AKR1E2: variants seen among roughly 807,000 people sequenced by gnomAD.
The protein encoded by AKR1E2 is 1,5-anhydro-D-fructose reductase.
Under a neutral mutation model 41.9 loss-of-function variants are expected in AKR1E2, and 43 were observed. The observed-to-expected ratio is 1.03, with a 90% CI of 0.80 to 1.32. The LOEUF is 1.32. Ranked by LOEUF, AKR1E2 falls within the 40% of genes most tolerant of loss-of-function variation. AKR1E2 has a pLI of 0.00. For missense variants in AKR1E2, 423 were observed against 396.5 expected (o/e 1.07, Z -0.57); for synonymous variants, 121 against 138.9 (o/e 0.87, Z 0.91).
At chr10:4,828,387 C>T (rs186827116) in intron 1 of AKR1E2, among the ~76,000 whole-genome samples, 1 of 152,242 alleles carries the variant, frequency 6.6e-6, no homozygotes, top group Admixed American at 6.5e-5. Flanking sequence ...CTTGATCCAT[C>T]TGTGTGCCTG....
At chr10:4,849,551 A>G (rs1834482781), downstream of AKR1E2, among the ~76,000 whole-genome samples, 1 of 152,166 alleles carries the variant, frequency 6.6e-6, no homozygotes, top group South Asian at 2.1e-4. Flanking sequence ...CTTATACTTA[A>G]ACCATTGTTC....
intron 1 of AKR1E2, among the ~76,000 whole-genome samples, chr10:4,830,280 T>G (rs1832868606): frequency 6.6e-6 from 1 of 152,148 alleles, no homozygotes; most frequent in South Asian, 2.1e-4. Flanking sequence ...ATGGATACCT[T>G]CGTGTGAGTC....
chr10:4,869,149 C>T, the AKR1E2 span, among the ~76,000 whole-genome samples: 1 of 152,068 alleles, frequency 6.6e-6, no homozygotes, highest in East Asian at 1.9e-4. Flanking sequence ...AAGCAATCCC[C>T]AGTGAAATTG....
upstream of AKR1E2, among the ~76,000 whole-genome samples, chr10:4,825,394 T>A (rs564097987): frequency 2.0e-5 from 3 of 151,744 alleles, no homozygotes; most frequent in Admixed American, 2.0e-4. Context: ...GTCGGAAGGC[T>A]CCCTTGACCC....
intron 2 of AKR1E2, among the ~76,000 whole-genome samples, chr10:4,831,192 T>A (rs1832942234): frequency 6.6e-6 from 1 of 152,166 alleles, no homozygotes; most frequent in Admixed American, 6.5e-5. Flanking sequence ...GGGGTGATTG[T>A]TAAATGCAGA....
At chr10:4,845,406 A>G (rs1834256203) in intron 8 of AKR1E2, among the ~76,000 whole-genome samples, 1 of 151,472 alleles carries the variant, frequency 6.6e-6, no homozygotes, top group African/African-American at 2.4e-5. Context: ...GTGCCGCCAA[A>G]GTGGGAGCCC....
the AKR1E2 span, among the ~76,000 whole-genome samples, chr10:4,857,368 A>T: frequency 1.3e-3 from 203 of 151,418 alleles, no homozygotes; most frequent in Admixed American, 5.1e-3. Context: ...ATGAGTTCTC[A>T]TAAGATCTAG....
intron 4 of AKR1E2, among the ~76,000 whole-genome samples, chr10:4,836,816 C>T (rs1216047668): frequency 6.6e-6 from 1 of 152,192 alleles, no homozygotes; most frequent in African/African-American, 2.4e-5. Flanking sequence ...GAGGCAGTAA[C>T]TAACTGCTGC....
At chr10:4,853,479 G>A in the AKR1E2 span, among the ~76,000 whole-genome samples, 15,503 of 150,778 alleles carry the variant, frequency 0.1, 903 homozygotes, top group Middle Eastern at 0.15. Context: ...TAAAATATCT[G>A]AAGAGATTGA....
chr10:4,854,094 T>G, the AKR1E2 span, among the ~76,000 whole-genome samples: 3 of 140,150 alleles, frequency 2.1e-5, no homozygotes, highest in African/African-American at 7.8e-5. Flanking sequence ...TGTTTTTTTT[T>G]TTTTTTTTTT....
chr10:4,861,465 G>C, the AKR1E2 span, among the ~76,000 whole-genome samples: 1 of 151,928 alleles, frequency 6.6e-6, no homozygotes, highest in Admixed American at 6.6e-5. Context: ...CTGCCTCCTG[G>C]GTTAAAGCGA....
intron 6 of AKR1E2, among the ~76,000 whole-genome samples, chr10:4,841,058 A>G (rs1239120013): frequency 6.6e-6 from 1 of 152,174 alleles, no homozygotes; most frequent in African/African-American, 2.4e-5. Flanking sequence ...GAGAGTCTCT[A>G]GAAGGCTGGG....
In AKR1E2 at chr10:4,848,032, T is replaced by TC. The variant is rs1255888728; in HGVS notation, c.*503dup. The stretch of plus-strand genomic sequence containing the variant: ...GATAAGTCTGGGACACTGTTTCAGT[T>TC]CAATAAAGAGGCTTTTTTCTTCCTT... On this transcript the variant is annotated 3_prime_UTR_variant, in exon 10 of 10. Transcript: ENST00000298375. 9 of 152,924 alleles carry TC rather than the reference T, an allele frequency of 5.9e-5. No individual in the cohort carries two copies. The Admixed American group carries it at 5.9e-4, about 10-fold the overall frequency. The allele number at this position is 152,924 out of a possible 1,614,324, so 9.5% of individuals were successfully genotyped here. A position where few individuals can be genotyped will look rare whatever the true frequency, so the allele number is the denominator to read the frequency against.
chr10:4,830,057 A>T (rs1348221452), intron 1 of AKR1E2, among the ~76,000 whole-genome samples: 2 of 152,196 alleles, frequency 1.3e-5, no homozygotes, highest in Non-Finnish European at 2.9e-5. Flanking sequence ...GGTTACCGTG[A>T]AGCTCCAGTG....
chr10:4,826,244 G>T lies in AKR1E2; in HGVS notation c.-81G>T. On this transcript the variant is annotated 5_prime_UTR_variant, in exon 1 of 10. Transcript: ENST00000298375. ...TTCCAGCCAGTCGCAACGGCGGGTC[G>T]CCAGCGCCGCAGTAGCTCGCGCGGT... 8.6e-7 allele frequency: 1 copy of T among 1,156,144 alleles called. No homozygotes were observed. The highest frequency in any genetic ancestry group is 1.1e-6 in the Non-Finnish European group (1 of 918,158). The allele number at this position is 1,156,144 out of a possible 1,614,324, so 71.6% of individuals were successfully genotyped here.
intron 8 of AKR1E2, among the ~76,000 whole-genome samples, chr10:4,843,589 G>T (rs1338770662): frequency 6.6e-6 from 1 of 152,214 alleles, no homozygotes; most frequent in African/African-American, 2.4e-5. Flanking sequence ...CTGAGGGCTC[G>T]GTTTGGTTGT....
At chr10:4,826,034 A>G, upstream of AKR1E2, 1 of 384,314 alleles carries the variant, frequency 2.6e-6, no homozygotes, top group Non-Finnish European at 4.6e-6. Context: ...GCCAATCAGG[A>G]TGTCCAGAGC....
chr10:4,841,651 A>T, intron 6 of AKR1E2, 134 bp from the exon 7 acceptor site: 1 of 616,956 alleles, frequency 1.6e-6, no homozygotes, highest in Non-Finnish European at 2.6e-6. Context: ...TCTGCATTTT[A>T]AAATTTCCTG....
chr10:4,826,143 C>T (rs190742554), upstream of AKR1E2: 21 of 445,964 alleles, frequency 4.7e-5, no homozygotes, highest in African/African-American at 2.8e-4. Context: ...GCCCGGCGCG[C>T]GACACCAGCA....
Sources: allele counts gnomAD v4.1 joint callset (sites outside exome capture counted in the v4.1 genomes callset), GRCh38; gene constraint gnomAD v4.1.1; transcripts MANE v1.5; gene names NCBI Gene and HGNC (gene_info 2026-07-23, HGNC 2026-07-21).